Variants in NRXN1 observed in about 807,000 individuals in gnomAD.
NRXN1 encodes neurexin 1.
A neutral mutation model predicts 150.9 loss-of-function variants in NRXN1; 39 were observed. The observed-to-expected ratio is 0.26, with a 90% confidence interval of 0.20 to 0.34. NRXN1 has a LOEUF of 0.34. NRXN1 is among the 10% of genes least tolerant of loss of function. NRXN1 has a pLI of 1.00. For missense variants in NRXN1, 1,815 were observed against 1,949.9 expected, an observed-to-expected ratio of 0.93 and a Z score of 1.30; for synonymous variants, 924 against 757.0, an observed-to-expected ratio of 1.22 and a Z score of -3.62.
chr2:50,366,897 T>C (rs1315560730), intron 17 of NRXN1, among the ~76,000 whole-genome samples: 1 of 152,018 alleles, frequency 6.6e-6, no homozygotes, highest in Non-Finnish European at 1.5e-5. Flanking sequence ...TTATTCAATT[T>C]GAAAACTAAA....
At chr2:50,594,580 C>A (rs1018715391) in intron 8 of NRXN1, among the ~76,000 whole-genome samples, 1 of 152,100 alleles carries the variant, frequency 6.6e-6, no homozygotes, top group Admixed American at 6.6e-5. Context: ...AAAAGCAAAG[C>A]CTTCTAATAA....
At chr2:50,648,251 T>C (rs1191816308) in intron 5 of NRXN1, among the ~76,000 whole-genome samples, 1 of 151,934 alleles carries the variant, frequency 6.6e-6, no homozygotes, top group African/African-American at 2.4e-5. Context: ...ACACTGTATT[T>C]TTTAACAATG....
In NRXN1 at chr2:50,850,911, A is replaced by G. The variant is rs578032592; in HGVS notation, c.832+70958T>C. ...AGGCCCTTAGAATGTGATTGCCTAG[A>G]AAATATTCACTGCTTTTCTTCTTAA... On this transcript the variant is annotated intron_variant, in intron 5 of 22. Transcript: ENST00000401669. 1.6e-3 allele frequency among the ~76,000 whole-genome samples: 244 copies of G among 152,302 alleles called. 1 individual carries two copies. Among genetic ancestry groups the G allele is most frequent in the African/African-American group, 5.7e-3 (238 of 41,564 alleles).
intron 19 of NRXN1, among the ~76,000 whole-genome samples, chr2:50,075,839 C>T (rs944920445): frequency 1.3e-5 from 2 of 151,908 alleles, no homozygotes; most frequent in African/African-American, 2.4e-5. Flanking sequence ...TGGCTATGTA[C>T]ATGCACATGA....
At chr2:50,418,317 C>T (rs1520442) in intron 17 of NRXN1, among the ~76,000 whole-genome samples, 3,541 of 151,976 alleles carry the variant, frequency 0.023, 114 homozygotes, top group East Asian at 0.11. Context: ...CAAGTTTCAC[C>T]AAGTATAAAT....
chr2:50,743,649 C>G (rs1699695872), intron 5 of NRXN1, among the ~76,000 whole-genome samples: 1 of 152,076 alleles, frequency 6.6e-6, no homozygotes, highest in South Asian at 2.1e-4. Context: ...ATGTTTAAAA[C>G]TTTGAAACTT....
At chr2:50,063,502 A>T (rs1205584680) in intron 19 of NRXN1, among the ~76,000 whole-genome samples, 1 of 148,074 alleles carries the variant, frequency 6.8e-6, no homozygotes, top group Admixed American at 6.8e-5. Context: ...TGCATTGCGA[A>T]TTTCTTGCAT....
At chr2:50,022,161 TTTAG>T (rs1436313815) in intron 21 of NRXN1, among the ~76,000 whole-genome samples, 2 of 152,142 alleles carry the variant, frequency 1.3e-5, no homozygotes, top group Non-Finnish European at 2.9e-5. Context: ...TTTTTGTATT[TTTAG>T]TAGAGACGAG....
At chr2:50,500,676 A>T (rs2104945467) in intron 13 of NRXN1, among the ~76,000 whole-genome samples, 1 of 152,344 alleles carries the variant, frequency 6.6e-6, no homozygotes, top group East Asian at 1.9e-4. Context: ...TTAAGGTATA[A>T]CAGATTGACA....
intron 5 of NRXN1, among the ~76,000 whole-genome samples, chr2:50,745,790 C>T (rs913265302): frequency 6.6e-6 from 1 of 152,060 alleles, no homozygotes; most frequent in African/African-American, 2.4e-5. Flanking sequence ...AACTTACTCA[C>T]CATCATGAGA....
intron 5 of NRXN1, among the ~76,000 whole-genome samples, chr2:50,848,428 A>G (rs1674010112): frequency 6.6e-6 from 1 of 152,084 alleles, no homozygotes; most frequent in African/African-American, 2.4e-5. Context: ...TGTTCAGAAA[A>G]GCTAATGACA....
chr2:50,712,099 G>C (rs1008779090), intron 5 of NRXN1, among the ~76,000 whole-genome samples: 5 of 151,976 alleles, frequency 3.3e-5, no homozygotes, highest in Admixed American at 3.3e-4. Flanking sequence ...CTTACATCTA[G>C]ACACATGCTA....
At chr2:50,389,913 G>C (rs1391574675) in intron 17 of NRXN1, among the ~76,000 whole-genome samples, 1 of 152,136 alleles carries the variant, frequency 6.6e-6, no homozygotes, top group African/African-American at 2.4e-5. Context: ...TGATGTTATG[G>C]TATCTAATTT....
At chr2:51,011,736 G>A (rs1309880058) in intron 2 of NRXN1, among the ~76,000 whole-genome samples, 2 of 152,018 alleles carry the variant, frequency 1.3e-5, no homozygotes, top group Non-Finnish European at 2.9e-5. Flanking sequence ...ATATACAAGT[G>A]CTTGCCTGCC....
intron 8 of NRXN1, among the ~76,000 whole-genome samples, chr2:50,610,642 CATATATATATATATATATATATATATAT>C (rs71404969): frequency 2.3e-5 from 1 of 42,876 alleles, no homozygotes; most frequent in East Asian, 6.7e-4. Context: ...TAAATAGATA[CATATATATATATATATATATATATATAT>C]ATATATATCT....
chr2:50,007,374 G>A (rs775307409), intron 21 of NRXN1, among the ~76,000 whole-genome samples: 4 of 151,768 alleles, frequency 2.6e-5, no homozygotes, highest in Non-Finnish European at 4.4e-5. Context: ...ACATTTTGAC[G>A]TTTGAGGGGT....
chr2:50,834,592 A>T (rs1671851206), intron 5 of NRXN1, among the ~76,000 whole-genome samples: 1 of 152,210 alleles, frequency 6.6e-6, no homozygotes, highest in South Asian at 2.1e-4. Context: ...TGATCTCAGA[A>T]AATCTGAATT....
intron 5 of NRXN1, among the ~76,000 whole-genome samples, chr2:50,746,159 A>C (rs2105303064): frequency 6.6e-6 from 1 of 152,178 alleles, no homozygotes; most frequent in East Asian, 1.9e-4. Flanking sequence ...GGAAGTTCTA[A>C]AGTTGTTGTA....
intron 8 of NRXN1, among the ~76,000 whole-genome samples, chr2:50,583,554 T>G (rs897875941): frequency 6.6e-6 from 1 of 152,312 alleles, no homozygotes; most frequent in East Asian, 1.9e-4. Flanking sequence ...TACATCATGT[T>G]AATTTTTGTA....
Sources: gnomAD v4.1 joint callset for allele counts (sites outside exome capture counted in the v4.1 genomes callset) on GRCh38, gnomAD v4.1.1 for gene constraint, MANE v1.5 for transcripts, NCBI Gene and HGNC (gene_info 2026-07-23, HGNC 2026-07-21) for gene names.